SPOCK1: variants seen among roughly 807,000 people sequenced by gnomAD.
SPOCK1 encodes the protein SPARC (osteonectin), cwcv and kazal like domains proteoglycan 1, also known as testican-1.
SPOCK1 carries 23 observed loss-of-function variants against 55.3 expected under a neutral mutation model. That is an observed-to-expected ratio of 0.42 (90% CI 0.30 to 0.59). The LOEUF is 0.59. Ranked by LOEUF, SPOCK1 falls within the 20% of genes least tolerant of loss-of-function variation. The pLI, the probability that SPOCK1 is intolerant of heterozygous loss-of-function variation, is 0.22. For synonymous variants in SPOCK1, 226 were observed against 221.0 expected, an observed-to-expected ratio of 1.02 and a Z score of -0.20; for missense variants, 499 against 552.5, an observed-to-expected ratio of 0.90 and a Z score of 0.97.
intron 2 of SPOCK1, among the ~76,000 whole-genome samples, chr5:137,271,387 T>C (rs1239849216): frequency 6.7e-6 from 1 of 148,744 alleles, no homozygotes; most frequent in East Asian, 1.9e-4. Context: ...ATTTTATATA[T>C]AATATATATT....
intron 2 of SPOCK1, among the ~76,000 whole-genome samples, chr5:137,486,554 A>G (rs951594302): frequency 6.6e-6 from 1 of 152,228 alleles, no homozygotes; most frequent in African/African-American, 2.4e-5. Context: ...TGCCTGGTAC[A>G]TGGTAGCCTG....
chr5:136,999,134 T>C (rs1751101601), intron 6 of SPOCK1, among the ~76,000 whole-genome samples: 1 of 152,098 alleles, frequency 6.6e-6, no homozygotes, highest in African/African-American at 2.4e-5. Context: ...TAGCTTGGAG[T>C]GCAGCATGAG....
At chr5:137,331,864 C>T (rs909581057) in intron 2 of SPOCK1, among the ~76,000 whole-genome samples, 2 of 152,102 alleles carry the variant, frequency 1.3e-5, no homozygotes, top group Non-Finnish European at 2.9e-5. Flanking sequence ...ATCAACCTGC[C>T]GCAGCACATC....
intron 3 of SPOCK1, among the ~76,000 whole-genome samples, chr5:137,214,188 TC>T (rs1755669933): frequency 6.6e-6 from 1 of 152,074 alleles, no homozygotes; most frequent in South Asian, 2.1e-4. Context: ...TCAACTTATC[TC>T]CCCAACCTAT....
chr5:137,091,206 C>CAAGGA (rs1236442204), intron 5 of SPOCK1, among the ~76,000 whole-genome samples: 2 of 152,216 alleles, frequency 1.3e-5, no homozygotes, highest in African/African-American at 4.8e-5. Context: ...CCTATCCTCC[C>CAAGGA]AAGGACTATC....
At chr5:137,337,134 T>C (rs1750297986) in intron 2 of SPOCK1, among the ~76,000 whole-genome samples, 1 of 152,164 alleles carries the variant, frequency 6.6e-6, no homozygotes, top group Non-Finnish European at 1.5e-5. Context: ...AGCTACCTTT[T>C]GCAAAAAGTA....
At chr5:137,415,611 G>A (rs913846074) in intron 2 of SPOCK1, among the ~76,000 whole-genome samples, 6 of 152,292 alleles carry the variant, frequency 3.9e-5, no homozygotes, top group South Asian at 2.1e-4. Context: ...TTCCAGAAGC[G>A]TGATTCCAAT....
chr5:137,088,352 G>A (rs1217577225), intron 5 of SPOCK1, among the ~76,000 whole-genome samples: 2 of 152,218 alleles, frequency 1.3e-5, no homozygotes, highest in East Asian at 1.9e-4. Flanking sequence ...ATCAATGTGA[G>A]CTGGTTGTAT....
intron 3 of SPOCK1, among the ~76,000 whole-genome samples, chr5:137,253,412 T>C (rs924681927): frequency 2.6e-5 from 4 of 152,226 alleles, no homozygotes; most frequent in Non-Finnish European, 5.9e-5. Flanking sequence ...AGACATAACT[T>C]TGGTAAACTG....
intron 5 of SPOCK1, among the ~76,000 whole-genome samples, chr5:137,088,193 C>T (rs1220816471): frequency 6.6e-6 from 1 of 152,186 alleles, no homozygotes; most frequent in Non-Finnish European, 1.5e-5. Flanking sequence ...TAATCTGGGT[C>T]CCTCTCCAGG....
At chr5:136,995,442 C>A (rs1751022278) in intron 6 of SPOCK1, among the ~76,000 whole-genome samples, 1 of 152,172 alleles carries the variant, frequency 6.6e-6, no homozygotes, top group Non-Finnish European at 1.5e-5. Context: ...CAACTCAGAA[C>A]CTCGGGGCCC....
At chr5:137,015,208 G>A (rs151184683) in intron 6 of SPOCK1, among the ~76,000 whole-genome samples, 8,499 of 151,642 alleles carry the variant, frequency 0.056, 303 homozygotes, top group East Asian at 0.2. Flanking sequence ...TTGGGAGGCC[G>A]AGGTGGGCAG....
At chr5:137,277,716 G>C (rs533178654) in intron 2 of SPOCK1, among the ~76,000 whole-genome samples, 2 of 152,256 alleles carry the variant, frequency 1.3e-5, no homozygotes, top group East Asian at 3.9e-4. Flanking sequence ...CTAAGTAAGT[G>C]GACAGCCGGT....
chr5:137,158,656 G>T (rs985345339), intron 3 of SPOCK1, among the ~76,000 whole-genome samples: 3 of 152,006 alleles, frequency 2.0e-5, no homozygotes, highest in Admixed American at 2.0e-4. Flanking sequence ...ACTGGAATGG[G>T]TGTCATGAAA....
At chr5:137,205,503 G>C (rs1755502479) in intron 3 of SPOCK1, among the ~76,000 whole-genome samples, 1 of 152,196 alleles carries the variant, frequency 6.6e-6, no homozygotes, top group Non-Finnish European at 1.5e-5. Context: ...AAAAGGCTCT[G>C]CTCTTGGCAG....
At chr5:137,316,056 G>A (rs894952211) in intron 2 of SPOCK1, among the ~76,000 whole-genome samples, 1 of 152,116 alleles carries the variant, frequency 6.6e-6, no homozygotes, top group Non-Finnish European at 1.5e-5. Flanking sequence ...CATTTATAAA[G>A]GACAGAAACT....
intron 3 of SPOCK1, among the ~76,000 whole-genome samples, chr5:137,185,421 T>C (rs979931345): frequency 6.6e-6 from 1 of 152,204 alleles, no homozygotes; most frequent in African/African-American, 2.4e-5. Context: ...GGCAGGACCC[T>C]GGAACTCCTC....
chr5:137,484,101 T>C (rs184293004), intron 2 of SPOCK1, among the ~76,000 whole-genome samples: 14 of 152,104 alleles, frequency 9.2e-5, no homozygotes, highest in African/African-American at 2.9e-4. Flanking sequence ...TGGACTTGGT[T>C]TTCAATGATC....
intron 3 of SPOCK1, among the ~76,000 whole-genome samples, chr5:137,216,368 A>G (rs1755715716): frequency 6.6e-6 from 1 of 152,240 alleles, no homozygotes; most frequent in African/African-American, 2.4e-5. Flanking sequence ...CCATTATGCT[A>G]GTGATAGCAA....
Sources: gnomAD v4.1 joint callset for allele counts (sites outside exome capture counted in the v4.1 genomes callset) on GRCh38, gnomAD v4.1.1 for gene constraint, MANE v1.5 for transcripts, NCBI Gene and HGNC (gene_info 2026-07-23, HGNC 2026-07-21) for gene names.